The following APBA2 variants were observed in gnomAD, a reference collection of about 807,000 sequenced individuals.
The protein encoded by APBA2 is amyloid-beta A4 precursor protein-binding family A member 2.
Under a neutral mutation model 75.0 loss-of-function variants are expected in APBA2, and 30 were observed. The observed-to-expected ratio is 0.40, with a 90% CI of 0.30 to 0.54. The LOEUF is 0.54. Among genes scored for constraint, APBA2 ranks in the 20% least tolerant of loss-of-function variants. The pLI is 0.49. For missense variants in APBA2, 801 were observed against 1,016.1 expected, an observed-to-expected ratio of 0.79 and a Z score of 2.88; for synonymous variants, 444 against 409.6, an observed-to-expected ratio of 1.08 and a Z score of -1.01.
At chr15:28,928,735 C>G (rs1023243760) in intron 2 of APBA2, among the ~76,000 whole-genome samples, 1 of 152,160 alleles carries the variant, frequency 6.6e-6, no homozygotes, top group Admixed American at 6.5e-5. Flanking sequence ...GACGTTTGTC[C>G]TCCCTCTGCC....
chr15:28,892,088 T>G (rs1329628992), intron 1 of APBA2, among the ~76,000 whole-genome samples: 1 of 152,180 alleles, frequency 6.6e-6, no homozygotes, highest in Non-Finnish European at 1.5e-5. Context: ...TATATATGTT[T>G]TTTTGAGACG....
chr15:29,056,383 C>T (rs1254569358), intron 4 of APBA2, among the ~76,000 whole-genome samples: 1 of 151,986 alleles, frequency 6.6e-6, no homozygotes, highest in African/African-American at 2.4e-5. Context: ...TCTGTTCTTC[C>T]CAGAAGAGGC....
chr15:29,108,438 G>A (rs372028958), intron 13 of APBA2, 49 bp downstream of exon 13: 1 of 1,613,010 alleles, frequency 6.2e-7, no homozygotes, highest in Admixed American at 1.7e-5. Context: ...GCAGGGCCCA[G>A]GGAGGGGGAG....
intron 1 of APBA2, among the ~76,000 whole-genome samples, chr15:28,914,678 A>C (rs1483290469): frequency 6.6e-6 from 1 of 151,934 alleles, no homozygotes; most frequent in Non-Finnish European, 1.5e-5. Context: ...GTTACAGAAA[A>C]TATCTTCCCC....
chr15:28,902,278 T>C lies in APBA2; in HGVS notation c.-205+16000T>C, dbSNP rs147058491. On this transcript the variant is annotated intron_variant, in intron 1 of 14. Transcript: ENST00000683413. ...TGGAGGGAGGAGGGCACTTTCCTTC[T>C]GTATCCGTCCTCCCCCAAATCCGTT... 5.0e-3 allele frequency among the ~76,000 whole-genome samples: 764 copies of C among 152,218 alleles called. 10 individuals carry two copies. The highest frequency in any genetic ancestry group is 0.018 in the African/African-American group (733 of 41,546).
chr15:29,092,592 G>A (rs1309371951), intron 6 of APBA2, among the ~76,000 whole-genome samples: 1 of 152,100 alleles, frequency 6.6e-6, no homozygotes, highest in Admixed American at 6.5e-5. Context: ...GCGGTGTGAT[G>A]GGTGTGAGGA....
chr15:29,032,176 T>A (rs1053363194), intron 3 of APBA2, among the ~76,000 whole-genome samples: 3 of 152,208 alleles, frequency 2.0e-5, no homozygotes, highest in Non-Finnish European at 4.4e-5. Flanking sequence ...TCCTGTGTAG[T>A]CATGATGGTT....
intron 3 of APBA2, among the ~76,000 whole-genome samples, chr15:29,011,951 C>A (rs560410957): frequency 3.9e-5 from 6 of 152,132 alleles, no homozygotes; most frequent in African/African-American, 1.4e-4. Context: ...GTCTAATTAC[C>A]AATATAGGTA....
chr15:28,994,811 G>T (rs2038423757), intron 2 of APBA2, among the ~76,000 whole-genome samples: 1 of 152,186 alleles, frequency 6.6e-6, no homozygotes, highest in African/African-American at 2.4e-5. Flanking sequence ...CCCAGTGAAT[G>T]GGGCTCTTCC....
intron 2 of APBA2, among the ~76,000 whole-genome samples, chr15:28,939,619 CTA>C (rs2035074923): frequency 6.6e-6 from 1 of 152,210 alleles, no homozygotes; most frequent in African/African-American, 2.4e-5. Flanking sequence ...TTAATTACAG[CTA>C]CTTCTGGCCT....
At position 28,956,485 on chromosome 15, in the gene APBA2, T is replaced by G. The variant is rs1950722825; in HGVS notation, c.-95+34736T>G. 2.6e-5 allele frequency among the ~76,000 whole-genome samples: 4 copies of G among 152,192 alleles called. No homozygotes were observed. The South Asian group carries it at 8.3e-4, about 32-fold the overall frequency. Reference sequence around the variant, plus strand: ...GGCTTTCAGTCCCACGTTTAGATATTTGGACTTTATCCAGTGGGTCATGGA... The same window carrying G: ...GGCTTTCAGTCCCACGTTTAGATATGTGGACTTTATCCAGTGGGTCATGGA... On this transcript the variant is annotated intron_variant, in intron 2 of 14. Coordinates refer to ENST00000683413, the MANE Select transcript of APBA2 (RefSeq NM_001353788.2).
intron 2 of APBA2, among the ~76,000 whole-genome samples, chr15:28,959,458 A>G (rs1007459826): frequency 2.0e-5 from 3 of 152,366 alleles, no homozygotes; most frequent in African/African-American, 7.2e-5. Context: ...TCTTGTAAGA[A>G]GAGATTCAGA....
chr15:28,965,990 C>T (rs905887667), intron 2 of APBA2, among the ~76,000 whole-genome samples: 2 of 152,112 alleles, frequency 1.3e-5, no homozygotes, highest in African/African-American at 4.8e-5. Flanking sequence ...TGGTTAATTT[C>T]CAAGTATTTG....
intron 2 of APBA2, among the ~76,000 whole-genome samples, chr15:28,938,606 C>G (rs2035013434): frequency 6.6e-6 from 1 of 152,138 alleles, no homozygotes; most frequent in South Asian, 2.1e-4. Flanking sequence ...CCTCCCTGTT[C>G]AAGCGATTTT....
intron 6 of APBA2, among the ~76,000 whole-genome samples, chr15:29,090,414 A>G (rs558886520): frequency 2.6e-5 from 4 of 152,220 alleles, no homozygotes; most frequent in Non-Finnish European, 4.4e-5. Flanking sequence ...ATGGGTCAAC[A>G]TGGAAATGTG....
chr15:29,005,204 G>A (rs550177179), intron 3 of APBA2, among the ~76,000 whole-genome samples: 23 of 152,320 alleles, frequency 1.5e-4, no homozygotes, highest in Non-Finnish European at 3.1e-4. Context: ...ACCCTGAGCA[G>A]ACTGCTTGAT....
chr15:29,003,491 A>G (rs1176936332), intron 3 of APBA2, among the ~76,000 whole-genome samples: 1 of 152,244 alleles, frequency 6.6e-6, no homozygotes, highest in Non-Finnish European at 1.5e-5. Flanking sequence ...TCCAGGTCTC[A>G]TAGCTGGCTG....
chr15:29,010,117 G>A (rs1421303479), intron 3 of APBA2, among the ~76,000 whole-genome samples: 2 of 152,120 alleles, frequency 1.3e-5, no homozygotes, highest in African/African-American at 4.8e-5. Context: ...GGGATCCTCT[G>A]GTATGATTTT....
At chr15:29,107,282 CAGACTCGTGAGCTTGCAGCTTTGGGA>C (rs1567022787) in intron 12 of APBA2, among the ~76,000 whole-genome samples, 1 of 152,194 alleles carries the variant, frequency 6.6e-6, no homozygotes. Context: ...CCCTGACCGT[CAGACTCGTGAGCTTGCAGCTTTGGGA>C]GGTGCTGCCT....
Sources: allele counts gnomAD v4.1 joint callset (sites outside exome capture counted in the v4.1 genomes callset), GRCh38; gene constraint gnomAD v4.1.1; transcripts MANE v1.5; gene names NCBI Gene and HGNC (gene_info 2026-07-23, HGNC 2026-07-21).